Variants in LHFPL3 observed in about 807,000 individuals in gnomAD.
LHFPL3 encodes LHFPL tetraspan subfamily member 3, also known as LHFPL tetraspan subfamily member 3 protein.
Under a neutral mutation model 19.3 loss-of-function variants are expected in LHFPL3, and 5 were observed. The observed-to-expected ratio is 0.26, with a 90% CI of 0.14 to 0.54. The LOEUF (loss-of-function observed/expected upper bound fraction) is 0.54. Ranked by LOEUF, LHFPL3 falls within the 20% of genes least tolerant of loss-of-function variation. LHFPL3 has a pLI of 0.94. For missense variants in LHFPL3, 249 were observed against 307.4 expected, an observed-to-expected ratio of 0.81 and a Z score of 1.42; for synonymous variants, 133 against 126.2, an observed-to-expected ratio of 1.05 and a Z score of -0.36.
intron 1 of LHFPL3, among the ~76,000 whole-genome samples, chr7:104,665,977 T>G (rs2116009260): frequency 6.6e-6 from 1 of 152,350 alleles, no homozygotes; most frequent in East Asian, 1.9e-4. Flanking sequence ...AGGTATACCC[T>G]GCTTTACCTT....
Position 104,833,021 on chromosome 7 carries a change from AATAGATATAT to A in LHFPL3, c.683-73165_683-73156del, listed in dbSNP as rs1335202307. Among the ~76,000 whole-genome samples, 74 of 76,716 alleles carry A rather than the reference AATAGATATAT, an allele frequency of 9.6e-4. 3 individuals are homozygous for A. The highest frequency in any genetic ancestry group is 3.7e-3 in the African/African-American group (71 of 19,150). The allele number at this position is 76,716 out of a possible 152,430, so 50.3% of individuals were successfully genotyped here. On this transcript the variant is annotated intron_variant, in intron 2 of 2. Transcript: ENST00000424859. ...TATATTATATATATATATTATATATAATAGATATATTATATATATATATTATATATATATT... is the reference window on the plus strand; with the variant it reads ...TATATTATATATATATATTATATATATATATATATATATTATATATATATT...
intron 1 of LHFPL3, among the ~76,000 whole-genome samples, chr7:104,403,995 C>A (rs911059594): frequency 6.6e-6 from 1 of 152,174 alleles, no homozygotes; most frequent in African/African-American, 2.4e-5. Context: ...GGAACACAGC[C>A]ATGCTAATTT....
intron 1 of LHFPL3, among the ~76,000 whole-genome samples, chr7:104,571,211 A>G (rs1032830321): frequency 1.2e-4 from 18 of 152,344 alleles, no homozygotes; most frequent in African/African-American, 4.3e-4. Context: ...TTTTTACATG[A>G]TGCCCTGAAG....
chr7:104,626,632 C>A (rs556379344), intron 1 of LHFPL3, among the ~76,000 whole-genome samples: 1 of 152,082 alleles, frequency 6.6e-6, no homozygotes, highest in Non-Finnish European at 1.5e-5. Flanking sequence ...GATGGAGCAC[C>A]CTTTCTGCTG....
At chr7:104,608,184 GAC>G (rs1287124116) in intron 1 of LHFPL3, among the ~76,000 whole-genome samples, 3 of 151,994 alleles carry the variant, frequency 2.0e-5, no homozygotes, top group Non-Finnish European at 2.9e-5. Flanking sequence ...CTGCTATAAA[GAC>G]ACATGCACAC....
At position 104,399,991 on chromosome 7, in the gene LHFPL3, C is replaced by T. The variant is rs1791279279; in HGVS notation, c.445+70767C>T. Reference sequence around the variant, plus strand: ...TGGTGGCAGATGCCTGTAATCCCAGCTACCCGGGAGGCTGAGGCTGAAGAA... The same window carrying T: ...TGGTGGCAGATGCCTGTAATCCCAGTTACCCGGGAGGCTGAGGCTGAAGAA... On this transcript the variant is annotated intron_variant, in intron 1 of 2. Transcript: ENST00000424859. This position sits in a 1 kb window ranked among gnomAD's most constrained non-coding sequence, Gnocchi z 4.4. Among the ~76,000 whole-genome samples, 1 of 151,130 alleles carries T rather than the reference C, an allele frequency of 6.6e-6. No homozygotes were observed. Among genetic ancestry groups the T allele is most frequent in the Admixed American group, 6.6e-5 (1 of 15,168 alleles).
intron 1 of LHFPL3, among the ~76,000 whole-genome samples, chr7:104,507,212 A>G (rs1010300938): frequency 1.1e-4 from 16 of 151,622 alleles, no homozygotes; most frequent in African/African-American, 3.9e-4. Flanking sequence ...AAACTATACT[A>G]CAAGGCTACA....
chr7:104,388,765 G>A (rs56400852), intron 1 of LHFPL3, among the ~76,000 whole-genome samples: 9,850 of 151,944 alleles, frequency 0.065, 342 homozygotes, highest in Middle Eastern at 0.099. Flanking sequence ...TAGAGTAATG[G>A]ACAAAAAACA....
chr7:104,869,227 AAATTGACAAATGGAATCT>A (rs1791787029), intron 2 of LHFPL3, among the ~76,000 whole-genome samples: 1 of 152,242 alleles, frequency 6.6e-6, no homozygotes. Flanking sequence ...ACAAAAGCCA[AAATTGACAAATGGAATCT>A]AATTAAACTA....
At chr7:104,882,778 T>C (rs1436451796) in intron 2 of LHFPL3, among the ~76,000 whole-genome samples, 1 of 152,230 alleles carries the variant, frequency 6.6e-6, no homozygotes, top group African/African-American at 2.4e-5. Context: ...AGGTGTTTTA[T>C]GATATGTGAA....
At chr7:104,504,178 A>G (rs964285922) in intron 1 of LHFPL3, among the ~76,000 whole-genome samples, 1 of 152,184 alleles carries the variant, frequency 6.6e-6, no homozygotes, top group African/African-American at 2.4e-5. Flanking sequence ...TGGAATTTAA[A>G]ATGCAGTGAC....
chr7:104,902,654 C>T (rs370845321), intron 2 of LHFPL3, among the ~76,000 whole-genome samples: 8 of 152,036 alleles, frequency 5.3e-5, no homozygotes, highest in Admixed American at 1.3e-4. Flanking sequence ...GGCATGGTGG[C>T]GCATACCTGT....
Position 104,332,223 on chromosome 7 carries a change from CTTTTTTTTTTT to C in LHFPL3, c.445+3013_445+3023del, listed in dbSNP as rs1183733733. On this transcript the variant is annotated intron_variant, in intron 1 of 2. Transcript: ENST00000424859. ...TAGAATATAAAATCCTATTTCTTTT[CTTTTTTTTTTT>C]TTTTTTTTTTTTTGAGATGGAGTCT... 1.3e-4 allele frequency among the ~76,000 whole-genome samples: 8 copies of C among 63,940 alleles called. No individual in the cohort carries two copies. The Admixed American group carries it at 1.5e-3, about 12-fold the overall frequency. 41.9% of individuals were successfully genotyped at this position (63,940 alleles called of 152,430 possible).
intron 1 of LHFPL3, among the ~76,000 whole-genome samples, chr7:104,619,124 CT>C (rs1374927350): frequency 2.0e-5 from 3 of 152,130 alleles, no homozygotes; most frequent in Non-Finnish European, 4.4e-5. Flanking sequence ...CTTTTTAAAA[CT>C]GTTGATTTTG....
chr7:104,574,390 A>G (rs1458607523), intron 1 of LHFPL3, among the ~76,000 whole-genome samples: 1 of 152,232 alleles, frequency 6.6e-6, no homozygotes, highest in Non-Finnish European at 1.5e-5. Context: ...TCATTAATGG[A>G]TTACTAATTT....
chr7:104,430,391 T>TTTTTTTTTTTTTTTG (rs1791946594), intron 1 of LHFPL3, among the ~76,000 whole-genome samples: 1 of 51,058 alleles, frequency 2.0e-5, no homozygotes, highest in Non-Finnish European at 3.1e-5. Flanking sequence ...TACATATATA[T>TTTTTTTTTTTTTTTG]ATATATATAT....
chr7:104,799,147 T>C (rs1790192150), intron 2 of LHFPL3, among the ~76,000 whole-genome samples: 1 of 152,244 alleles, frequency 6.6e-6, no homozygotes, highest in Non-Finnish European at 1.5e-5. Context: ...TGTTCAATTT[T>C]CAGATTTTAT....
chr7:104,366,720 C>T (rs1790501874), intron 1 of LHFPL3, among the ~76,000 whole-genome samples: 1 of 152,112 alleles, frequency 6.6e-6, no homozygotes. Flanking sequence ...TCCTGCTTGC[C>T]AGTATGAATG....
intron 2 of LHFPL3, chr7:104,798,495 C>T (rs1459483553): frequency 6.6e-6 from 1 of 152,126 alleles, no homozygotes; most frequent in African/African-American, 2.4e-5. Context: ...GGAAAGTTAT[C>T]ACTAATTGAA....
Sources: allele counts gnomAD v4.1 joint callset (sites outside exome capture counted in the v4.1 genomes callset), GRCh38; gene constraint gnomAD v4.1.1; non-coding constraint Gnocchi (gnomAD v3.1); transcripts MANE v1.5; gene names NCBI Gene and HGNC (gene_info 2026-07-23, HGNC 2026-07-21).